The following NFU1 variants were observed in gnomAD, a reference collection of about 807,000 sequenced individuals.
The protein encoded by NFU1 is NFU1 iron-sulfur cluster scaffold, also known as NFU1 iron-sulfur cluster scaffold homolog, mitochondrial.
A neutral mutation model predicts 32.2 loss-of-function variants in NFU1; 30 were observed. That is an observed-to-expected ratio of 0.93 (90% CI 0.70 to 1.26). The LOEUF is 1.26. Ranked by LOEUF, NFU1 falls within the 50% of genes most tolerant of loss-of-function variation. The pLI, the probability that NFU1 is intolerant of heterozygous loss-of-function variation, is 0.00. For missense variants in NFU1, 306 were observed against 306.6 expected (o/e 1.00, Z 0.02); for synonymous variants, 112 against 104.6 (o/e 1.07, Z -0.43).
At chr2:69,427,307 C>T (rs1420943061) in intron 2 of NFU1, among the ~76,000 whole-genome samples, 2 of 151,494 alleles carry the variant, frequency 1.3e-5, no homozygotes, top group Non-Finnish European at 2.9e-5. Context: ...ATCACTTGAA[C>T]CTGGGAGGCA....
At chr2:69,421,368 A>C (rs1673234321) in intron 3 of NFU1, among the ~76,000 whole-genome samples, 1 of 152,044 alleles carries the variant, frequency 6.6e-6, no homozygotes, top group East Asian at 1.9e-4. Flanking sequence ...TCCTTAAACG[A>C]GACATATAAA....
intron 6 of NFU1, among the ~76,000 whole-genome samples, chr2:69,404,183 G>A (rs1332841245): frequency 6.7e-6 from 1 of 150,150 alleles, no homozygotes; most frequent in Non-Finnish European, 1.5e-5. Flanking sequence ...ATATTTCCAT[G>A]TACAACATGA....
chr2:69,439,218 G>A (rs999791141), upstream of NFU1, among the ~76,000 whole-genome samples: 9 of 152,176 alleles, frequency 5.9e-5, no homozygotes, highest in Middle Eastern at 3.2e-3. Context: ...CTTAGGGCCT[G>A]CTCTAGTCAA....
At chr2:69,439,442 C>T (rs117364736), upstream of NFU1, among the ~76,000 whole-genome samples, 203 of 152,272 alleles carry the variant, frequency 1.3e-3, 3 homozygotes, top group East Asian at 0.029. Flanking sequence ...AGCTGCAGAC[C>T]TTTGCGATGG....
upstream of NFU1, among the ~76,000 whole-genome samples, chr2:69,438,458 A>T (rs982961373): frequency 6.6e-5 from 10 of 151,966 alleles, no homozygotes; most frequent in African/African-American, 2.2e-4. Context: ...TGTAGAGAAG[A>T]GGTCTCCCTG....
chr2:69,430,103 T>C, intron 2 of NFU1: 1 of 204,478 alleles, frequency 4.9e-6, no homozygotes, highest in East Asian at 1.7e-4. Context: ...CTCAATTGGG[T>C]TTAATTTTGT....
chr2:69,429,571 C>A (rs989240526), intron 2 of NFU1, among the ~76,000 whole-genome samples: 2 of 151,792 alleles, frequency 1.3e-5, no homozygotes, highest in Non-Finnish European at 2.9e-5. Context: ...ACTACACCTG[C>A]AGAAAGCAAA....
chr2:69,437,536 GC>G (rs1479307778), upstream of NFU1: 21 of 1,350,906 alleles, frequency 1.6e-5, no homozygotes, highest in East Asian at 5.0e-4. Context: ...CCGGCTGCGG[GC>G]GGTCCTGCTG....
chr2:69,436,725 C>T (rs929890767), intron 1 of NFU1, among the ~76,000 whole-genome samples: 4 of 152,194 alleles, frequency 2.6e-5, no homozygotes, highest in African/African-American at 9.7e-5. Flanking sequence ...GGTACACCTA[C>T]ATAAATGTCC....
intron 3 of NFU1, among the ~76,000 whole-genome samples, chr2:69,422,192 T>G (rs1445293752): frequency 2.0e-5 from 3 of 152,060 alleles, no homozygotes; most frequent in Non-Finnish European, 2.9e-5. Flanking sequence ...ACAGGGTATA[T>G]GACATGGATA....
intron 2 of NFU1, among the ~76,000 whole-genome samples, chr2:69,425,326 C>A (rs1333115398): frequency 6.7e-6 from 1 of 150,372 alleles, no homozygotes; most frequent in Non-Finnish European, 1.5e-5. Flanking sequence ...ATGTCCAGCT[C>A]CGGGGCCAAG....
Position 69,407,787 on chromosome 2 carries a change from C to T in NFU1, c.485-1705G>A, listed in dbSNP as rs191101376. Reference sequence around the variant, plus strand: ...TAGCACTTTGGGAGGCTGAGGCAGACGCGTCACCTGAGGTCAGGAGTTTGA... The same window carrying T: ...TAGCACTTTGGGAGGCTGAGGCAGATGCGTCACCTGAGGTCAGGAGTTTGA... On this transcript the variant is annotated intron_variant, in intron 5 of 7. Transcript: ENST00000410022. 2.8e-3 allele frequency among the ~76,000 whole-genome samples: 428 copies of T among 151,522 alleles called. 2 individuals carry two copies. Among genetic ancestry groups the T allele is most frequent in the Non-Finnish European group, 3.8e-3 (260 of 67,904 alleles).
intron 5 of NFU1, among the ~76,000 whole-genome samples, chr2:69,414,635 A>C (rs1179053122): frequency 3.3e-5 from 5 of 151,578 alleles, no homozygotes; most frequent in South Asian, 2.1e-4. Flanking sequence ...AAAAAAAAAA[A>C]AAAAAAACAG....
chr2:69,418,793 A>G (rs1016962746), intron 4 of NFU1, among the ~76,000 whole-genome samples: 10 of 152,178 alleles, frequency 6.6e-5, no homozygotes, highest in Non-Finnish European at 1.0e-4. Flanking sequence ...TTTTAAGGAC[A>G]TAAAGAGCTC....
At chr2:69,430,405 G>C (rs1213399650) in intron 2 of NFU1, among the ~76,000 whole-genome samples, 3 of 151,920 alleles carry the variant, frequency 2.0e-5, no homozygotes, top group East Asian at 1.9e-4. Context: ...GTAAAGACAG[G>C]GTTTGACCAT....
intron 5 of NFU1, among the ~76,000 whole-genome samples, chr2:69,406,993 T>C (rs1212094276): frequency 6.6e-6 from 1 of 152,140 alleles, no homozygotes; most frequent in African/African-American, 2.4e-5. Flanking sequence ...CTTGTTGCCG[T>C]CATGTGAAGA....
intron 7 of NFU1, 102 bp from the exon 8 acceptor site, chr2:69,396,392 T>G (rs1574103661): frequency 2.6e-6 from 2 of 784,276 alleles, no homozygotes; most frequent in East Asian, 2.5e-5. Flanking sequence ...CACTCTATAA[T>G]GAGGCATGAC....
intron 5 of NFU1, among the ~76,000 whole-genome samples, chr2:69,408,591 G>A (rs1009066154): frequency 6.6e-6 from 1 of 151,748 alleles, no homozygotes; most frequent in African/African-American, 2.4e-5. Context: ...GTGGTGGTGG[G>A]TGTCTGTAAT....
intron 7 of NFU1, among the ~76,000 whole-genome samples, chr2:69,398,824 GA>G (rs1672419915): frequency 6.6e-6 from 1 of 152,124 alleles, no homozygotes; most frequent in Non-Finnish European, 1.5e-5. Flanking sequence ...AGACTTTGGG[GA>G]TAGGTCTATA....
Sources: allele counts gnomAD v4.1 joint callset (sites outside exome capture counted in the v4.1 genomes callset), GRCh38; gene constraint gnomAD v4.1.1; transcripts MANE v1.5; gene names NCBI Gene and HGNC (gene_info 2026-07-23, HGNC 2026-07-21).